Variants in TMEM255B observed in about 807,000 individuals in gnomAD.
The protein encoded by TMEM255B is family with sequence similarity 70, member B.
A neutral mutation model predicts 34.5 loss-of-function variants in TMEM255B; 35 were observed. That is an observed-to-expected ratio of 1.01 (90% CI 0.77 to 1.34). The LOEUF (loss-of-function observed/expected upper bound fraction) is 1.34, where lower values mean the gene tolerates loss of function less well. Ranked by LOEUF, TMEM255B falls within the 40% of genes most tolerant of loss-of-function variation. The probability of loss-of-function intolerance (pLI) is 0.00; values close to 1 mark genes in which losing one functional copy is unlikely to be tolerated. For missense variants in TMEM255B, 432 were observed against 433.2 expected (o/e 1.00, Z 0.02); for synonymous variants, 206 against 201.2 (o/e 1.02, Z -0.20).
chr13:113,761,607 G>A, intron 1 of TMEM255B, among the ~76,000 whole-genome samples: 1 of 152,222 alleles, frequency 6.6e-6, no homozygotes, highest in East Asian at 1.9e-4. Flanking sequence ...ACTCCAGTGG[G>A]AGAAATGCTG....
chr13:113,807,946 G>A (rs1274561942), intron 8 of TMEM255B, among the ~76,000 whole-genome samples: 1 of 152,184 alleles, frequency 6.6e-6, no homozygotes, highest in Non-Finnish European at 1.5e-5. Flanking sequence ...TTACGCAAAG[G>A]GTGGATGTTC....
intron 2 of TMEM255B, chr13:113,766,544 G>A: frequency 2.0e-6 from 1 of 487,914 alleles, no homozygotes; most frequent in Non-Finnish European, 3.8e-6. Flanking sequence ...TGTGGTCACA[G>A]GGTGACCAGA....
rs535491952 is a variant in TMEM255B, at chr13:113,812,227, T to C, written c.*324T>C. Reference sequence around the variant, plus strand: ...TTAATTAATTAGCTATTATTATGATTTTGCAAAGACAGTGCAGCCCCGGCC... The same window carrying C: ...TTAATTAATTAGCTATTATTATGATCTTGCAAAGACAGTGCAGCCCCGGCC... On this transcript the variant is annotated 3_prime_UTR_variant, in exon 9 of 9. Coordinates refer to ENST00000375353, the MANE Select transcript of TMEM255B (RefSeq NM_182614.4). 1.5e-4 allele frequency: 55 copies of C among 377,082 alleles called. 1 individual carries two copies. In the East Asian group the frequency reaches 3.1e-3, roughly 21 times the overall value. The allele number at this position is 377,082 out of a possible 1,614,324, so 23.4% of individuals were successfully genotyped here. A position where few individuals can be genotyped will look rare whatever the true frequency, so the allele number is the denominator to read the frequency against.
At chr13:113,774,091 AC>A (rs1418804364) in intron 3 of TMEM255B, among the ~76,000 whole-genome samples, 1 of 140,544 alleles carries the variant, frequency 7.1e-6, no homozygotes, top group Non-Finnish European at 1.5e-5. Flanking sequence ...CTTGCCCCCC[AC>A]CCAACTCCAT....
intron 1 of TMEM255B, among the ~76,000 whole-genome samples, chr13:113,764,792 G>A (rs2050362444): frequency 6.6e-6 from 1 of 152,230 alleles, no homozygotes. Context: ...CAACATGTAA[G>A]AGAGGCCTTC....
At chr13:113,801,017 A>G (rs3934939) in intron 6 of TMEM255B, 105 bp downstream of exon 6, 5,556 of 366,856 alleles carry the variant, frequency 0.015, 81 homozygotes, top group African/African-American at 0.053. Context: ...GGGGACCCCT[A>G]TATCTACACC....
At chr13:113,794,350 T>A (rs1305152846) in intron 3 of TMEM255B, among the ~76,000 whole-genome samples, 1 of 152,092 alleles carries the variant, frequency 6.6e-6, no homozygotes, top group African/African-American at 2.4e-5. Context: ...TAGCACCATG[T>A]GCCCGAGCCA....
At chr13:113,773,738 T>C (rs537385883) in intron 3 of TMEM255B, among the ~76,000 whole-genome samples, 4 of 152,358 alleles carry the variant, frequency 2.6e-5, no homozygotes, top group East Asian at 3.9e-4. Flanking sequence ...TGCTGCGTGA[T>C]CGTAGGAAAC....
chr13:113,759,857 A>G (rs1035068483), intron 1 of TMEM255B, among the ~76,000 whole-genome samples: 1 of 152,012 alleles, frequency 6.6e-6, no homozygotes, highest in Non-Finnish European at 1.5e-5. Flanking sequence ...CGGTGTGTTC[A>G]CGGAATCTCC....
intron 1 of TMEM255B, among the ~76,000 whole-genome samples, chr13:113,764,081 G>C (rs901707753): frequency 1.3e-5 from 2 of 152,196 alleles, no homozygotes; most frequent in Non-Finnish European, 2.9e-5. Flanking sequence ...AAGAAAGGAC[G>C]TGCTCCATGC....
At chr13:113,777,360 C>T (rs1566726291) in intron 3 of TMEM255B, among the ~76,000 whole-genome samples, 2 of 152,184 alleles carry the variant, frequency 1.3e-5, no homozygotes, top group Non-Finnish European at 2.9e-5. Flanking sequence ...CTCTTGCCAG[C>T]TATGTGACCT....
chr13:113,798,022 C>T (rs571174909), intron 4 of TMEM255B, among the ~76,000 whole-genome samples: 1 of 152,158 alleles, frequency 6.6e-6, no homozygotes, highest in Non-Finnish European at 1.5e-5. Context: ...TGCAGATGGT[C>T]GGATGGATTG....
At chr13:113,776,745 C>T (rs771176934) in intron 3 of TMEM255B, among the ~76,000 whole-genome samples, 21 of 152,294 alleles carry the variant, frequency 1.4e-4, no homozygotes, top group Admixed American at 6.5e-4. Context: ...ACACAGTGGG[C>T]GCAGGCGACC....
rs114420761 is a variant in TMEM255B at position 113,805,462 on chromosome 13, T to G, written c.813+434T>G. ...CATCATAGGGTTCATCCTGACATGA[T>G]GCTATTGACCTTGGAGATGACGGAG... On this transcript the variant is annotated intron_variant, in intron 8 of 8. Coordinates refer to ENST00000375353, the MANE Select transcript of TMEM255B (RefSeq NM_182614.4). 8.8e-3 allele frequency among the ~76,000 whole-genome samples: 1,338 copies of G among 152,366 alleles called. 15 individuals carry two copies. Among genetic ancestry groups the G allele is most frequent in the African/African-American group, 0.031 (1,299 of 41,590 alleles).
rs978048869 is a variant in TMEM255B, at chr13:113,813,677, C to A, written c.*1774C>A. 2 of 152,360 alleles carry A rather than the reference C, an allele frequency of 1.3e-5. No individual in the cohort carries two copies. The highest frequency in any genetic ancestry group is 3.9e-4 in the East Asian group (2 of 5,138). 9.4% of individuals were successfully genotyped at this position (152,360 alleles called of 1,614,324 possible). A position where few individuals can be genotyped will look rare whatever the true frequency, so the allele number is the denominator to read the frequency against. ...AGAAGGCCCACAGCGCACATCCACA[C>A]ATGAACGGTGGCTGGCTGGGCCCAG... On this transcript the variant is annotated 3_prime_UTR_variant, in exon 9 of 9. Transcript: ENST00000375353.
chr13:113,813,872 C>A lies in TMEM255B; in HGVS notation c.*1969C>A, dbSNP rs544268766. 6.6e-6 allele frequency: 1 copy of A among 152,210 alleles called. No individual in the cohort carries two copies. Among genetic ancestry groups the A allele is most frequent in the South Asian group, 2.1e-4 (1 of 4,830 alleles). The allele number at this position is 152,210 out of a possible 1,614,324, so 9.4% of individuals were successfully genotyped here. On this transcript the variant is annotated 3_prime_UTR_variant, in exon 9 of 9. Coordinates refer to ENST00000375353, the MANE Select transcript of TMEM255B (RefSeq NM_182614.4). Reference sequence around the variant, plus strand: ...TTGAACCAGTCCGGGAGGTCGGGCACGAGCCGGAGGTGCGGCGTCCTGTCT... The same window carrying A: ...TTGAACCAGTCCGGGAGGTCGGGCAAGAGCCGGAGGTGCGGCGTCCTGTCT...
chr13:113,812,095 C>T lies in TMEM255B; in HGVS notation c.*192C>T. ...AGGCAGGGAGTGGGGCCCTCCAGAC[C>T]CAGGCTGGTGACACCTTGGCTTGGG... is the stretch of plus-strand genomic sequence containing the variant. On this transcript the variant is annotated 3_prime_UTR_variant, in exon 9 of 9. Coordinates refer to ENST00000375353, the MANE Select transcript of TMEM255B (RefSeq NM_182614.4). 1 of 698,116 alleles carries T rather than the reference C, an allele frequency of 1.4e-6. No homozygotes were observed. The highest frequency in any genetic ancestry group is 2.3e-6 in the Non-Finnish European group (1 of 432,656). 43.2% of individuals were successfully genotyped at this position (698,116 alleles called of 1,614,324 possible). A position where few individuals can be genotyped will look rare whatever the true frequency, so the allele number is the denominator to read the frequency against.
intron 3 of TMEM255B, among the ~76,000 whole-genome samples, chr13:113,787,659 A>G (rs574632716): frequency 6.6e-6 from 1 of 152,258 alleles, no homozygotes; most frequent in East Asian, 1.9e-4. Flanking sequence ...CTGAAATTGT[A>G]CATGGCTTAG....
chr13:113,759,641 C>G (rs1189593772), intron 1 of TMEM255B, among the ~76,000 whole-genome samples: 1 of 152,250 alleles, frequency 6.6e-6, no homozygotes, highest in East Asian at 1.9e-4. Context: ...TGGCCTCTCT[C>G]TCCCTGTTAC....
Sources: allele counts gnomAD v4.1 joint callset (sites outside exome capture counted in the v4.1 genomes callset), GRCh38; gene constraint gnomAD v4.1.1; transcripts MANE v1.5; gene names NCBI Gene and HGNC (gene_info 2026-07-23, HGNC 2026-07-21).